Variants in NHSL1 observed in about 807,000 individuals in gnomAD.
NHSL1 encodes NHS like 1, also known as NHS-like protein 1.
In NHSL1, 48 loss-of-function variants were observed where a neutral mutation model predicts 95.0. That is an observed-to-expected ratio of 0.51 (90% confidence interval 0.40 to 0.64). The LOEUF is 0.64. NHSL1 is among the 30% of genes least tolerant of loss of function. The probability of loss-of-function intolerance (pLI) is 0.00; values close to 1 mark genes in which losing one functional copy is unlikely to be tolerated. For synonymous variants in NHSL1, 783 were observed against 833.9 expected (o/e 0.94, Z 1.05); for missense variants, 1,971 against 2,077.7 (o/e 0.95, Z 1.00).
intron 1 of NHSL1, among the ~76,000 whole-genome samples, chr6:138,687,053 T>C (rs1012208992): frequency 2.6e-5 from 4 of 152,146 alleles, no homozygotes; most frequent in African/African-American, 9.7e-5. Context: ...CTCTCTAGCA[T>C]GTGGTATGTG....
At chr6:138,609,275 A>G (rs1784475585) in intron 1 of NHSL1, among the ~76,000 whole-genome samples, 1 of 152,126 alleles carries the variant, frequency 6.6e-6, no homozygotes, top group Non-Finnish European at 1.5e-5. Context: ...GCTGGGACCA[A>G]AGCTATGGAG....
At chr6:138,571,884 A>G in exon 1 of NHSL1, 2 of 1,551,674 alleles carry the variant, frequency 1.3e-6, no homozygotes, top group Non-Finnish European at 1.7e-6. Flanking sequence ...TGGAGTCTGA[A>G]GGAACCTGAA....
chr6:138,536,569 G>A (rs1240842605), intron 1 of NHSL1, among the ~76,000 whole-genome samples: 1 of 140,762 alleles, frequency 7.1e-6, no homozygotes, highest in African/African-American at 2.6e-5. Flanking sequence ...AGCATTTATA[G>A]ATTCCGTGGT....
intron 1 of NHSL1, among the ~76,000 whole-genome samples, chr6:138,568,219 C>G (rs963401350): frequency 3.3e-5 from 5 of 152,194 alleles, no homozygotes; most frequent in Non-Finnish European, 7.4e-5. Flanking sequence ...TCTAGGTCAT[C>G]GTGTTGCACT....
intron 1 of NHSL1, among the ~76,000 whole-genome samples, chr6:138,581,148 G>C (rs1583432464): frequency 6.6e-6 from 1 of 152,218 alleles, no homozygotes; most frequent in African/African-American, 2.4e-5. Context: ...GTTTGTGGTG[G>C]TTTTTAGAGC....
At chr6:138,626,076 C>T (rs1310992440) in intron 1 of NHSL1, among the ~76,000 whole-genome samples, 1 of 152,274 alleles carries the variant, frequency 6.6e-6, no homozygotes, top group Non-Finnish European at 1.5e-5. Flanking sequence ...TAAAAATCCA[C>T]TGTTAGACTC....
Position 138,498,651 on chromosome 6 carries a change from T to C in NHSL1, c.58+582A>G, listed in dbSNP as rs553410317. Among the ~76,000 whole-genome samples the C allele has an allele frequency of 2.6e-5, 4 of 152,356 alleles. No homozygotes were observed. The East Asian group carries it at 5.8e-4, about 22-fold the overall frequency. On this transcript the variant is annotated intron_variant, in intron 1 of 7. Transcript: ENST00000343505. ...CCTACATTAAAGAAATGTAAGTCAA[T>C]GGTAAGTACACAATAAAGCCACATC...
intron 5 of NHSL1, among the ~76,000 whole-genome samples, chr6:138,440,593 T>C (rs151203976): frequency 0.021 from 3,122 of 151,934 alleles, 48 homozygotes; most frequent in South Asian, 0.031. Context: ...TATTCTCACC[T>C]GACTATTGCT....
intron 1 of NHSL1, among the ~76,000 whole-genome samples, chr6:138,524,353 C>T (rs945121430): frequency 6.6e-6 from 1 of 152,158 alleles, no homozygotes; most frequent in African/African-American, 2.4e-5. Context: ...GAGATCATTA[C>T]CAGCTCCCAA....
chr6:138,653,491 T>C (rs150400435), intron 1 of NHSL1, among the ~76,000 whole-genome samples: 94 of 152,150 alleles, frequency 6.2e-4, no homozygotes, highest in African/African-American at 2.2e-3. Context: ...GAGGCGGAGA[T>C]TGCAGTGAGC....
chr6:138,505,190 T>C (rs2128295073), intron 1 of NHSL1, among the ~76,000 whole-genome samples: 1 of 152,318 alleles, frequency 6.6e-6, no homozygotes, highest in Admixed American at 6.5e-5. Flanking sequence ...GTTAAGGTAC[T>C]GAAAGTCTTT....
rs1784293377 is a variant in NHSL1 at position 138,595,640 on chromosome 6, T to C, written c.96+96836A>G. On this transcript the variant is annotated intron_variant, in intron 1 of 3. Coordinates refer to the NHSL1 transcript ENST00000491526. The stretch of plus-strand genomic sequence containing the variant: ...GTGAATTTCAATAACTTCAATATCA[T>C]AGGGTAACCTGGAATCAATTATAAA... Among the ~76,000 whole-genome samples the C allele has an allele frequency of 2.0e-5, 3 of 152,250 alleles. No homozygotes were observed. The South Asian group carries it at 6.2e-4, about 31-fold the overall frequency.
chr6:138,517,756 T>C (rs1781513844), intron 1 of NHSL1, among the ~76,000 whole-genome samples: 1 of 152,206 alleles, frequency 6.6e-6, no homozygotes, highest in African/African-American at 2.4e-5. Flanking sequence ...TGCCACCTGC[T>C]GGTCATCACA....
chr6:138,478,881 G>A (rs1052703328), intron 2 of NHSL1, among the ~76,000 whole-genome samples: 29 of 152,106 alleles, frequency 1.9e-4, no homozygotes, highest in African/African-American at 5.3e-4. Flanking sequence ...GCACAAGGAC[G>A]AGGGACAAAC....
chr6:138,442,056 C>G lies in NHSL1; in HGVS notation c.591G>C (p.Leu197=), dbSNP rs1401539894. ...LRRSLIYTDT[L]VRRPKKVKRR... ...TTTTGACTTTCTTCGGTCGTCTTAC[C>G]AGAGTGTCTGTGTAAATTAGAGACC... The change falls in exon 5 of 8, where the codon CTG becomes CTC. Residue 197 remains leucine, a synonymous_variant. Coordinates refer to ENST00000343505, the MANE Select transcript of NHSL1 (RefSeq NM_001144060.2). The G allele has an allele frequency of 2.6e-6, 4 of 1,551,168 alleles. No homozygotes were observed. In the Admixed American group the frequency reaches 7.9e-5, roughly 30 times the overall value.
intron 1 of NHSL1, among the ~76,000 whole-genome samples, chr6:138,678,137 T>C (rs1489823840): frequency 1.3e-5 from 2 of 152,200 alleles, no homozygotes; most frequent in Admixed American, 6.5e-5. Context: ...GGTGGCATTT[T>C]ATGGTGTCAT....
chr6:138,551,686 A>C (rs925542455), intron 1 of NHSL1, among the ~76,000 whole-genome samples: 6 of 152,238 alleles, frequency 3.9e-5, no homozygotes. Context: ...AAATTATAGC[A>C]TTATAACTTT....
chr6:138,576,728 G>A (rs1037987768), upstream of NHSL1, among the ~76,000 whole-genome samples: 3 of 152,182 alleles, frequency 2.0e-5, no homozygotes, highest in Non-Finnish European at 4.4e-5. Context: ...CAGCGGGACG[G>A]AAGCCCCAGG....
At chr6:138,575,462 G>A (rs1361098740), upstream of NHSL1, among the ~76,000 whole-genome samples, 5 of 152,170 alleles carry the variant, frequency 3.3e-5, no homozygotes, top group Non-Finnish European at 4.4e-5. Flanking sequence ...AAGTGCCCAC[G>A]TCTGCCAGAT....
Sources: gnomAD v4.1 joint callset for allele counts (sites outside exome capture counted in the v4.1 genomes callset) on GRCh38, gnomAD v4.1.1 for gene constraint, MANE v1.5 for transcripts, NCBI Gene and HGNC (gene_info 2026-07-23, HGNC 2026-07-21) for gene names.